The following BRINP1 variants were observed in gnomAD, a reference collection of about 807,000 sequenced individuals.
The protein encoded by BRINP1 is BMP/retinoic acid inducible neural specific 1.
In BRINP1, 17 loss-of-function variants were observed where a neutral mutation model predicts 72.9. That is an observed-to-expected ratio of 0.23 (90% confidence interval 0.16 to 0.35). The LOEUF (loss-of-function observed/expected upper bound fraction) is 0.35. Ranked by LOEUF, BRINP1 falls within the 10% of genes least tolerant of loss-of-function variation. The pLI is 1.00. For synonymous variants in BRINP1, 418 were observed against 378.5 expected (o/e 1.10, Z -1.21); for missense variants, 850 against 1,001.6 (o/e 0.85, Z 2.04).
intron 2 of BRINP1, among the ~76,000 whole-genome samples, chr9:119,300,394 C>T (rs974794589): frequency 3.3e-5 from 5 of 152,036 alleles, no homozygotes; most frequent in Admixed American, 6.6e-5. Context: ...GAAACACAAA[C>T]GATAAATGCT....
intron 5 of BRINP1, among the ~76,000 whole-genome samples, chr9:119,231,911 T>C (rs1168231640): frequency 6.6e-6 from 1 of 152,118 alleles, no homozygotes; most frequent in Non-Finnish European, 1.5e-5. Context: ...TCTTGTTCAA[T>C]CTCAGATAAT....
intron 2 of BRINP1, among the ~76,000 whole-genome samples, chr9:119,257,942 T>C (rs1272706568): frequency 1.3e-5 from 2 of 151,936 alleles, no homozygotes; most frequent in Non-Finnish European, 2.9e-5. Flanking sequence ...CAGGCAGATC[T>C]CTCAGGGCAT....
At chr9:119,260,461 A>G (rs1041417002) in intron 2 of BRINP1, among the ~76,000 whole-genome samples, 1 of 152,224 alleles carries the variant, frequency 6.6e-6, no homozygotes, top group African/African-American at 2.4e-5. Context: ...CAAATAATAT[A>G]TTTTAAGGAA....
At chr9:119,214,572 C>A (rs1829959197) in intron 5 of BRINP1, among the ~76,000 whole-genome samples, 1 of 143,696 alleles carries the variant, frequency 7.0e-6, no homozygotes, top group Non-Finnish European at 1.5e-5. Flanking sequence ...GAGCTAGGCA[C>A]TAGGCCTGTA....
intron 5 of BRINP1, among the ~76,000 whole-genome samples, chr9:119,220,375 T>G (rs1226116308): frequency 1.3e-5 from 2 of 152,076 alleles, no homozygotes; most frequent in Admixed American, 1.3e-4. Context: ...GAAGAATATC[T>G]GGAAAAGATA....
intron 1 of BRINP1, among the ~76,000 whole-genome samples, chr9:119,320,611 A>G (rs1396347538): frequency 3.9e-5 from 6 of 152,142 alleles, no homozygotes; most frequent in Non-Finnish European, 8.8e-5. Context: ...TGCTCAGGAA[A>G]AGCATCTCTG....
At chr9:119,313,078 G>A (rs1482909991) in intron 2 of BRINP1, 60 bp downstream of exon 2, 7 of 1,550,074 alleles carry the variant, frequency 4.5e-6, no homozygotes, top group East Asian at 2.3e-5. Context: ...ACCAATCAAC[G>A]CCTGACTCCA....
chr9:119,356,610 C>G (rs1371704275), intron 1 of BRINP1, among the ~76,000 whole-genome samples: 1 of 151,952 alleles, frequency 6.6e-6, no homozygotes, highest in African/African-American at 2.4e-5. Context: ...CAAGACCCAG[C>G]CTGGGCAGCA....
chr9:119,341,158 T>C (rs1831401690), intron 1 of BRINP1, among the ~76,000 whole-genome samples: 1 of 152,140 alleles, frequency 6.6e-6, no homozygotes, highest in Non-Finnish European at 1.5e-5. Context: ...TAAAGGATTA[T>C]TAAAGTTAAG....
At chr9:119,237,346 C>CATCATCATTATTATT (rs1554750154) in intron 5 of BRINP1, among the ~76,000 whole-genome samples, 1 of 145,044 alleles carries the variant, frequency 6.9e-6, no homozygotes, top group Non-Finnish European at 1.5e-5. Context: ...TTTCTTGCTA[C>CATCATCATTATTATT]ATTATTATTA....
At chr9:119,351,778 G>C (rs1353617052) in intron 1 of BRINP1, among the ~76,000 whole-genome samples, 1 of 151,850 alleles carries the variant, frequency 6.6e-6, no homozygotes, top group African/African-American at 2.4e-5. Flanking sequence ...TTCCTATTCT[G>C]CTTCAAGTTT....
At chr9:119,334,703 C>T (rs1831331405) in intron 1 of BRINP1, among the ~76,000 whole-genome samples, 1 of 150,484 alleles carries the variant, frequency 6.6e-6, no homozygotes, top group Non-Finnish European at 1.5e-5. Context: ...TATGTTCCTT[C>T]CAAGAATCAT....
At chr9:119,246,967 A>G (rs1489049984) in intron 3 of BRINP1, among the ~76,000 whole-genome samples, 1 of 152,260 alleles carries the variant, frequency 6.6e-6, no homozygotes, top group Non-Finnish European at 1.5e-5. Flanking sequence ...AAAATAGGAG[A>G]GGAACAAGGC....
chr9:119,320,183 G>C (rs1452006859), intron 1 of BRINP1, among the ~76,000 whole-genome samples: 1 of 152,124 alleles, frequency 6.6e-6, no homozygotes, highest in African/African-American at 2.4e-5. Flanking sequence ...GAAGGTAGGA[G>C]AGTGATGGGG....
At chr9:119,314,079 C>T (rs1027510177) in intron 1 of BRINP1, among the ~76,000 whole-genome samples, 4 of 152,178 alleles carry the variant, frequency 2.6e-5, no homozygotes, top group African/African-American at 7.2e-5. Context: ...ACTTCTGCAA[C>T]GTTCAATGGA....
intron 1 of BRINP1, among the ~76,000 whole-genome samples, chr9:119,343,359 C>T (rs1271785721): frequency 6.6e-6 from 1 of 152,206 alleles, no homozygotes; most frequent in Non-Finnish European, 1.5e-5. Context: ...TCACGTTCTT[C>T]AAGTCATAAA....
At chr9:119,218,782 C>T (rs1830008373) in intron 5 of BRINP1, among the ~76,000 whole-genome samples, 1 of 147,180 alleles carries the variant, frequency 6.8e-6, no homozygotes, top group Admixed American at 6.7e-5. Flanking sequence ...AGGTTGAAAC[C>T]CCAATCTCCT....
At chr9:119,230,832 CT>C (rs1564223521) in intron 5 of BRINP1, among the ~76,000 whole-genome samples, 1 of 151,948 alleles carries the variant, frequency 6.6e-6, no homozygotes, top group Non-Finnish European at 1.5e-5. Context: ...TCGGGTGGCC[CT>C]GTTGGAGATT....
intron 3 of BRINP1, among the ~76,000 whole-genome samples, chr9:119,247,302 C>CTTGT (rs1554750868): frequency 6.6e-6 from 1 of 151,092 alleles, no homozygotes; most frequent in Admixed American, 6.6e-5. Context: ...CTAACACATG[C>CTTGT]TGGTTGGTTG....
Sources: gnomAD v4.1 joint callset for allele counts (sites outside exome capture counted in the v4.1 genomes callset) on GRCh38, gnomAD v4.1.1 for gene constraint, MANE v1.5 for transcripts, NCBI Gene and HGNC (gene_info 2026-07-23, HGNC 2026-07-21) for gene names.